The following LUZP2 variants were observed in gnomAD, a reference collection of about 807,000 sequenced individuals.
LUZP2 encodes the protein leucine zipper protein 2.
LUZP2 carries 52 observed loss-of-function variants against 51.6 expected under a neutral mutation model. The observed-to-expected ratio is 1.01, with a 90% CI of 0.81 to 1.27. The LOEUF is 1.27. LUZP2 is among the 50% of genes most tolerant of loss of function. The probability of loss-of-function intolerance (pLI) is 0.00; values close to 1 mark genes in which losing one functional copy is unlikely to be tolerated. For missense variants in LUZP2, 436 were observed against 395.4 expected, an observed-to-expected ratio of 1.10 and a Z score of -0.87; for synonymous variants, 154 against 137.3, an observed-to-expected ratio of 1.12 and a Z score of -0.85.
At chr11:24,815,000 A>T (rs955085298) in intron 5 of LUZP2, among the ~76,000 whole-genome samples, 43 of 145,242 alleles carry the variant, frequency 3.0e-4, no homozygotes, top group Non-Finnish European at 3.7e-4. Flanking sequence ...TCAAAAAAAA[A>T]AAAAAATAAA....
chr11:24,952,175 T>C (rs769389631), intron 7 of LUZP2, among the ~76,000 whole-genome samples: 28 of 151,740 alleles, frequency 1.8e-4, no homozygotes, highest in Non-Finnish European at 3.1e-4. Flanking sequence ...AATTGTAATA[T>C]AAATTATTGT....
intron 5 of LUZP2, among the ~76,000 whole-genome samples, chr11:24,843,550 T>C (rs1359812379): frequency 1.3e-5 from 2 of 152,158 alleles, no homozygotes; most frequent in African/African-American, 4.8e-5. Flanking sequence ...AATAAAATAA[T>C]ATTAACCACA....
chr11:24,818,088 T>G (rs984885903), intron 5 of LUZP2, among the ~76,000 whole-genome samples: 1 of 152,208 alleles, frequency 6.6e-6, no homozygotes, highest in Admixed American at 6.5e-5. Flanking sequence ...GCAACTTGAT[T>G]TTTTTAAAAA....
At chr11:25,025,222 G>A (rs1472603182) in intron 9 of LUZP2, among the ~76,000 whole-genome samples, 1 of 151,996 alleles carries the variant, frequency 6.6e-6, no homozygotes, top group Non-Finnish European at 1.5e-5. Context: ...ATACCATTCA[G>A]GTCATAGGCA....
intron 1 of LUZP2, among the ~76,000 whole-genome samples, chr11:24,714,925 G>A (rs995543673): frequency 6.6e-6 from 1 of 152,150 alleles, no homozygotes; most frequent in Non-Finnish European, 1.5e-5. Context: ...ACTGTCAGAA[G>A]AGCCTAGAGA....
At chr11:24,831,287 G>A (rs1002484180) in intron 5 of LUZP2, among the ~76,000 whole-genome samples, 1 of 152,108 alleles carries the variant, frequency 6.6e-6, no homozygotes, top group Non-Finnish European at 1.5e-5. Context: ...CAAAGGCAGA[G>A]ATATTCAGCT....
chr11:24,602,159 T>TATAC (rs1853708766), intron 1 of LUZP2, among the ~76,000 whole-genome samples: 1 of 122,162 alleles, frequency 8.2e-6, no homozygotes, highest in Admixed American at 9.1e-5. Flanking sequence ...TGTATATATG[T>TATAC]ATATATGTGT....
chr11:24,715,153 AG>A (rs2133939204), intron 1 of LUZP2, among the ~76,000 whole-genome samples: 1 of 133,848 alleles, frequency 7.5e-6, no homozygotes, highest in South Asian at 2.2e-4. Context: ...AATCAATAAA[AG>A]TAAATGTTTG....
At chr11:24,896,525 CA>C (rs1408201682) in intron 5 of LUZP2, among the ~76,000 whole-genome samples, 16 of 152,184 alleles carry the variant, frequency 1.1e-4, no homozygotes, top group African/African-American at 3.6e-4. Flanking sequence ...GCCACTGCCC[CA>C]GGGGGCAGGG....
intron 1 of LUZP2, among the ~76,000 whole-genome samples, chr11:24,698,379 G>A (rs1857314162): frequency 6.6e-6 from 1 of 152,170 alleles, no homozygotes; most frequent in South Asian, 2.1e-4. Context: ...CCTAATTGAT[G>A]CACTTTTGCT....
At position 24,774,362 on chromosome 11, in the gene LUZP2, C is replaced by CTCTCTCTCTCTCTCTCTATATATA. The variant is rs776739280; in HGVS notation, c.396+11055_396+11056insCTCTCTCTCTCTCTCTATATATAT. On this transcript the variant is annotated intron_variant, in intron 5 of 11. Transcript: ENST00000336930. ...TCTCTCTCTCTCTCTCTCTCTCTCT[C>CTCTCTCTCTCTCTCTCTATATATA]TATATATATATATATATATACATAC... Among the ~76,000 whole-genome samples the CTCTCTCTCTCTCTCTCTATATATA allele has an allele frequency of 1.0e-4, 8 of 76,336 alleles. No individual in the cohort carries two copies. The East Asian group carries it at 1.4e-3, about 14-fold the overall frequency. 50.1% of individuals were successfully genotyped at this position (76,336 alleles called of 152,430 possible). A position where few individuals can be genotyped will look rare whatever the true frequency, so the allele number is the denominator to read the frequency against.
intron 7 of LUZP2, among the ~76,000 whole-genome samples, chr11:24,947,884 A>G (rs1045271886): frequency 6.6e-6 from 1 of 151,820 alleles, no homozygotes; most frequent in Non-Finnish European, 1.5e-5. Flanking sequence ...TGCTTTCTAA[A>G]TGTTCTTCTA....
chr11:24,747,790 G>T (rs575381577), intron 4 of LUZP2, among the ~76,000 whole-genome samples: 1 of 152,164 alleles, frequency 6.6e-6, no homozygotes, highest in African/African-American at 2.4e-5. Flanking sequence ...TACCTAGGAG[G>T]ATTATGGCTA....
At chr11:24,520,557 G>A (rs1275566863) in intron 1 of LUZP2, among the ~76,000 whole-genome samples, 1 of 152,182 alleles carries the variant, frequency 6.6e-6, no homozygotes, top group Non-Finnish European at 1.5e-5. Context: ...TTTAGCAAGG[G>A]AAAGGAAATT....
chr11:24,963,174 T>C (rs984152329), intron 7 of LUZP2, among the ~76,000 whole-genome samples: 15 of 152,130 alleles, frequency 9.9e-5, no homozygotes, highest in Non-Finnish European at 1.8e-4. Flanking sequence ...CTGCCCCTAC[T>C]GGGGGGTACC....
At chr11:25,033,085 C>T (rs1015219364) in intron 9 of LUZP2, among the ~76,000 whole-genome samples, 2 of 152,094 alleles carry the variant, frequency 1.3e-5, no homozygotes, top group Non-Finnish European at 2.9e-5. Flanking sequence ...ACGCCGGGAA[C>T]ATTTGAGCTA....
chr11:24,582,496 C>G (rs150938088), intron 1 of LUZP2, among the ~76,000 whole-genome samples: 1 of 151,870 alleles, frequency 6.6e-6, no homozygotes, highest in African/African-American at 2.4e-5. Context: ...TTAGACTAAC[C>G]AAAATATCTT....
intron 9 of LUZP2, among the ~76,000 whole-genome samples, chr11:25,048,779 C>A (rs1366561102): frequency 6.6e-6 from 1 of 151,516 alleles, no homozygotes; most frequent in African/African-American, 2.4e-5. Flanking sequence ...AGTTAAATTT[C>A]TTTAGGTATA....
intron 1 of LUZP2, among the ~76,000 whole-genome samples, chr11:24,700,429 C>T (rs1857390778): frequency 6.6e-6 from 1 of 152,156 alleles, no homozygotes; most frequent in Admixed American, 6.5e-5. Context: ...TCCTAGACCA[C>T]TTAATTTCAA....
Sources: allele counts gnomAD v4.1 joint callset (sites outside exome capture counted in the v4.1 genomes callset), GRCh38; gene constraint gnomAD v4.1.1; transcripts MANE v1.5; gene names NCBI Gene and HGNC (gene_info 2026-07-23, HGNC 2026-07-21).